The following LSM8 variants were observed in gnomAD, a reference collection of about 807,000 sequenced individuals.
The protein encoded by LSM8 is LSM8 homolog, U6 small nuclear RNA associated.
LSM8 carries 14 observed loss-of-function variants against 15.0 expected under a neutral mutation model. That is an observed-to-expected ratio of 0.93 (90% CI 0.62 to 1.46). The LOEUF (loss-of-function observed/expected upper bound fraction) is 1.46. LSM8 is among the 40% of genes most tolerant of loss of function. LSM8 has a pLI of 0.00. For missense variants in LSM8, 90 were observed against 115.4 expected (o/e 0.78, Z 1.01); for synonymous variants, 50 against 42.1 (o/e 1.19, Z -0.73).
At chr7:118,185,577 A>C in intron 1 of LSM8, 77 bp from the exon 2 acceptor site, 1 of 1,294,220 alleles carries the variant, frequency 7.7e-7, no homozygotes, top group Non-Finnish European at 1.1e-6. Context: ...TATTCTAAAA[A>C]TTCAAATCAT....
At chr7:118,188,570 A>C in intron 3 of LSM8, 165 bp downstream of exon 3, 1 of 574,958 alleles carries the variant, frequency 1.7e-6, no homozygotes, top group Admixed American at 3.7e-5. Context: ...AAAATAAGGC[A>C]TATGTATACA....
rs1327238738 is a variant in LSM8, at chr7:118,195,415, T to C, written c.*3413T>C. On this transcript the variant is annotated 3_prime_UTR_variant, in exon 4 of 4. Transcript: ENST00000249299. ...ATAACCGTAAACAGCTATTTAATAC[T>C]ATTCCAGGTAGTCAAAGGCCAATGT... 6.6e-6 allele frequency among the ~76,000 whole-genome samples: 1 copy of C among 152,238 alleles called. No individual in the cohort carries two copies. Among genetic ancestry groups the C allele is most frequent in the Admixed American group, 6.6e-5 (1 of 15,266 alleles).
chr7:118,198,294 A>G lies in LSM8; in HGVS notation c.*6292A>G, dbSNP rs1809113669. On this transcript the variant is annotated 3_prime_UTR_variant, in exon 4 of 4. Coordinates refer to ENST00000249299, the MANE Select transcript of LSM8 (RefSeq NM_016200.5). ...AATGAGAAATGAGAATATGCCAGAG[A>G]TCTGAAATGAAGAATGGATAAGAGC... Among the ~76,000 whole-genome samples, 1 of 152,192 alleles carries G rather than the reference A, an allele frequency of 6.6e-6. No individual in the cohort carries two copies. The highest frequency in any genetic ancestry group is 1.5e-5 in the Non-Finnish European group (1 of 68,034).
Position 118,193,502 on chromosome 7 carries a change from A to G in LSM8, c.*1500A>G, listed in dbSNP as rs560409998. ...AAATCAGCCTTATAAGGGGAGAAGCACTATTCTCTAGAATTATTTGGTTGA... is the reference window on the plus strand; with the variant it reads ...AAATCAGCCTTATAAGGGGAGAAGCGCTATTCTCTAGAATTATTTGGTTGA... On this transcript the variant is annotated 3_prime_UTR_variant, in exon 4 of 4. Coordinates refer to ENST00000249299, the MANE Select transcript of LSM8 (RefSeq NM_016200.5). 3.9e-5 allele frequency among the ~76,000 whole-genome samples: 6 copies of G among 152,108 alleles called. No homozygotes were observed. Among genetic ancestry groups the G allele is most frequent in the Non-Finnish European group, 8.8e-5 (6 of 67,972 alleles).
intron 1 of LSM8, 131 bp downstream of exon 1, chr7:118,184,385 ACGACC>A: frequency 1.7e-6 from 2 of 1,154,942 alleles, no homozygotes; most frequent in South Asian, 3.8e-5. Flanking sequence ...GGGCCCCGGA[ACGACC>A]CAGAGTTCGC....
Position 118,197,195 on chromosome 7 carries a change from G to GTT in LSM8, c.*5206_*5207dup, listed in dbSNP as rs34329832. ...CTGCATATATTTTGCTATTATGTAG[G>GTT]TTTTTTTTTTTTTTCCACATATACT... On this transcript the variant is annotated 3_prime_UTR_variant, in exon 4 of 4. Coordinates refer to ENST00000249299, the MANE Select transcript of LSM8 (RefSeq NM_016200.5). Among the ~76,000 whole-genome samples, 72 of 145,366 alleles carry GTT rather than the reference G, an allele frequency of 5.0e-4. No individual in the cohort carries two copies. The highest frequency in any genetic ancestry group is 1.4e-3 in the African/African-American group (55 of 39,598).
At position 118,192,101 on chromosome 7, in the gene LSM8, G is replaced by T; in HGVS notation, c.*99G>T. On this transcript the variant is annotated 3_prime_UTR_variant, in exon 4 of 4. Coordinates refer to ENST00000249299, the MANE Select transcript of LSM8 (RefSeq NM_016200.5). The stretch of plus-strand genomic sequence containing the variant: ...TTTTATGAGTGTGTCACTGGATTTT[G>T]ACTCCTTATTGATTCATTGTAATAT... The T allele has an allele frequency of 1.4e-6, 1 of 734,466 alleles. No individual in the cohort carries two copies. The highest frequency in any genetic ancestry group is 2.6e-5 in the South Asian group (1 of 37,790). 45.5% of individuals were successfully genotyped at this position (734,466 alleles called of 1,614,324 possible).
intron 1 of LSM8, 21 bp from the exon 2 acceptor site, chr7:118,185,632 CT>C (rs1317643390): frequency 6.3e-7 from 1 of 1,596,198 alleles, no homozygotes; most frequent in Non-Finnish European, 8.6e-7. Flanking sequence ...CTAAGAAACA[CT>C]TTCTTTGATT....
At position 118,195,518 on chromosome 7, in the gene LSM8, G is replaced by A. The variant is rs1260007974; in HGVS notation, c.*3516G>A. 6.6e-6 allele frequency among the ~76,000 whole-genome samples: 1 copy of A among 152,174 alleles called. No homozygotes were observed. The highest frequency in any genetic ancestry group is 2.4e-5 in the African/African-American group (1 of 41,444). Reference sequence around the variant, plus strand: ...ACTACCATATCTCTACAAGAGAATAGATGAGGAATTGAGGTTATGTGGGAA... The same window carrying A: ...ACTACCATATCTCTACAAGAGAATAAATGAGGAATTGAGGTTATGTGGGAA... On this transcript the variant is annotated 3_prime_UTR_variant, in exon 4 of 4. Transcript: ENST00000249299.
Position 118,192,096 on chromosome 7 carries a change from A to G in LSM8, c.*94A>G. 1 of 750,056 alleles carries G rather than the reference A, an allele frequency of 1.3e-6. No individual in the cohort carries two copies. The allele number at this position is 750,056 out of a possible 1,614,324, so 46.5% of individuals were successfully genotyped here. A position where few individuals can be genotyped will look rare whatever the true frequency, so the allele number is the denominator to read the frequency against. ...GGAGTTTTTATGAGTGTGTCACTGG[A>G]TTTTGACTCCTTATTGATTCATTGT... On this transcript the variant is annotated 3_prime_UTR_variant, in exon 4 of 4. Transcript: ENST00000249299.
chr7:118,188,721 C>A, intron 3 of LSM8: 1 of 167,008 alleles, frequency 6.0e-6, no homozygotes, highest in Non-Finnish European at 1.3e-5. Context: ...TTAAATACTT[C>A]ATTAGAGAGA....
chr7:118,195,017 T>C lies in LSM8; in HGVS notation c.*3015T>C, dbSNP rs7779452. Among the ~76,000 whole-genome samples, 10,435 of 152,210 alleles carry C rather than the reference T, an allele frequency of 0.069. 385 individuals carry two copies. Among genetic ancestry groups the C allele is most frequent in the East Asian group, 0.11 (569 of 5,182 alleles). On this transcript the variant is annotated 3_prime_UTR_variant, in exon 4 of 4. Transcript: ENST00000249299. ...TGCCTGTTATCAGAAAGTATAGTCT[T>C]AAAATCTGCTATCAAGCATCTATCA...
In LSM8 at chr7:118,193,372, CCTTAT is replaced by C. The variant is rs1374280535; in HGVS notation, c.*1371_*1375del. Among the ~76,000 whole-genome samples the C allele has an allele frequency of 2.6e-5, 4 of 151,926 alleles. No homozygotes were observed. The East Asian group carries it at 7.7e-4, about 29-fold the overall frequency. ...AATTTGTATAAATTCTGGAATAGAT[CCTTAT>C]AGAGAGTTTAGAGGTGGGTTTCATT... is the stretch of plus-strand genomic sequence containing the variant. On this transcript the variant is annotated 3_prime_UTR_variant, in exon 4 of 4. Coordinates refer to ENST00000249299, the MANE Select transcript of LSM8 (RefSeq NM_016200.5).
At chr7:118,187,432 C>T (rs1339227656) in intron 2 of LSM8, among the ~76,000 whole-genome samples, 1 of 152,198 alleles carries the variant, frequency 6.6e-6, no homozygotes, top group Non-Finnish European at 1.5e-5. Context: ...AGTATAGTCA[C>T]ATTTGTATCT....
rs1239945939 is a variant in LSM8 at position 118,197,055 on chromosome 7, T to A, written c.*5053T>A. Among the ~76,000 whole-genome samples the A allele has an allele frequency of 2.0e-5, 3 of 152,052 alleles. No individual in the cohort carries two copies. Among genetic ancestry groups the A allele is most frequent in the Admixed American group, 1.3e-4 (2 of 15,256 alleles). ...GTCCTTTTATTTTACAGAGTATTACTTGTTAGAAATGGCACAGATCAAGCA... is the reference window on the plus strand; with the variant it reads ...GTCCTTTTATTTTACAGAGTATTACATGTTAGAAATGGCACAGATCAAGCA... On this transcript the variant is annotated 3_prime_UTR_variant, in exon 4 of 4. Transcript: ENST00000249299.
rs1809013837 is a variant in LSM8 at position 118,193,125 on chromosome 7, G to T, written c.*1123G>T. ...ATAGTAGTTGGCAAGCTTTTTCTAT[G>T]AAGATCCAGATAGTCTTTTAGGCTT... On this transcript the variant is annotated 3_prime_UTR_variant, in exon 4 of 4. Coordinates refer to ENST00000249299, the MANE Select transcript of LSM8 (RefSeq NM_016200.5). Among the ~76,000 whole-genome samples the T allele has an allele frequency of 6.6e-6, 1 of 152,084 alleles. No homozygotes were observed. The highest frequency in any genetic ancestry group is 2.4e-5 in the African/African-American group (1 of 41,438).
At position 118,202,064 on chromosome 7, in the gene LSM8, A is replaced by G. The variant is rs1430902742; in HGVS notation, c.*10062A>G. ...CTCCCTAAACACAGAGGAGGCAGTA[A>G]TTTAGGACAGCTTAAACATTCTGGC... On this transcript the variant is annotated 3_prime_UTR_variant, in exon 4 of 4. Coordinates refer to ENST00000249299, the MANE Select transcript of LSM8 (RefSeq NM_016200.5). Among the ~76,000 whole-genome samples, 1 of 152,116 alleles carries G rather than the reference A, an allele frequency of 6.6e-6. No individual in the cohort carries two copies. The highest frequency in any genetic ancestry group is 1.5e-5 in the Non-Finnish European group (1 of 67,982).
At position 118,200,936 on chromosome 7, in the gene LSM8, T is replaced by G. The variant is rs531385849; in HGVS notation, c.*8934T>G. Among the ~76,000 whole-genome samples the G allele has an allele frequency of 1.3e-5, 2 of 152,200 alleles. No individual in the cohort carries two copies. The highest frequency in any genetic ancestry group is 3.9e-4 in the East Asian group (2 of 5,184). On this transcript the variant is annotated 3_prime_UTR_variant, in exon 4 of 4. Transcript: ENST00000249299. ...TAAATTTCCCATTAGCAAACACTTT[T>G]CACATATACACTAATATTAGTATCT...
chr7:118,192,166 CT>C lies in LSM8; in HGVS notation c.*173del, dbSNP rs1161526208. ...TTCTACATTTTATTGAAAAAAAAACCTTTTTTTTTGCCTAAATATAAGTTTG... is the reference window on the plus strand; with the variant it reads ...TTCTACATTTTATTGAAAAAAAAACCTTTTTTTTGCCTAAATATAAGTTTG... On this transcript the variant is annotated 3_prime_UTR_variant, in exon 4 of 4. Coordinates refer to ENST00000249299, the MANE Select transcript of LSM8 (RefSeq NM_016200.5). 3.0e-3 allele frequency: 1,271 copies of C among 430,778 alleles called. 1 individual carries two copies. The highest frequency in any genetic ancestry group is 0.013 in the African/African-American group (639 of 47,880). 26.7% of individuals were successfully genotyped at this position (430,778 alleles called of 1,614,324 possible). A position where few individuals can be genotyped will look rare whatever the true frequency, so the allele number is the denominator to read the frequency against.
Sources: gnomAD v4.1 joint callset for allele counts (sites outside exome capture counted in the v4.1 genomes callset) on GRCh38, gnomAD v4.1.1 for gene constraint, MANE v1.5 for transcripts, NCBI Gene and HGNC (gene_info 2026-07-23, HGNC 2026-07-21) for gene names.